Variants in ASPRV1 observed in about 807,000 individuals in gnomAD.
The protein encoded by ASPRV1 is retroviral-like aspartic protease 1.
ASPRV1 carries 7 observed loss-of-function variants against 11.0 expected under a neutral mutation model. That is an observed-to-expected ratio of 0.64 (90% CI 0.36 to 1.20). ASPRV1 has a LOEUF of 1.20. ASPRV1 is among the 50% of genes most tolerant of loss of function. ASPRV1 has a pLI of 0.02. For missense variants in ASPRV1, 299 were observed against 320.0 expected (o/e 0.93, Z 0.50); for synonymous variants, 136 against 138.4 (o/e 0.98, Z 0.12).
the ASPRV1 span, among the ~76,000 whole-genome samples, chr2:70,013,366 T>C: frequency 3.3e-4 from 51 of 152,302 alleles, no homozygotes; most frequent in African/African-American, 1.2e-3. Context: ...CACCATGATC[T>C]AAAAAGGTTA....
downstream of ASPRV1, among the ~76,000 whole-genome samples, chr2:69,958,716 G>A (rs1047150980): frequency 1.1e-4 from 16 of 152,170 alleles, no homozygotes; most frequent in African/African-American, 3.6e-4. Context: ...AGCAGCATGC[G>A]TTAGGCCACA....
chr2:70,065,390 CAA>C, the ASPRV1 span, among the ~76,000 whole-genome samples: 69 of 52,730 alleles, frequency 1.3e-3, no homozygotes, highest in East Asian at 4.1e-3. Flanking sequence ...GACACCATCT[CAA>C]AAAAAAAAAA....
At chr2:69,999,647 C>T in the ASPRV1 span, among the ~76,000 whole-genome samples, 1 of 127,672 alleles carries the variant, frequency 7.8e-6, no homozygotes, top group Non-Finnish European at 1.6e-5. Context: ...CAGAGCAAGA[C>T]TCTGTCTCAA....
chr2:69,999,485 C>T, the ASPRV1 span, among the ~76,000 whole-genome samples: 2 of 151,866 alleles, frequency 1.3e-5, no homozygotes, highest in East Asian at 1.9e-4. Flanking sequence ...GAAACCTAGT[C>T]TCTACTACAA....
chr2:70,084,313 T>G, the ASPRV1 span, among the ~76,000 whole-genome samples: 1 of 152,256 alleles, frequency 6.6e-6, no homozygotes, highest in Non-Finnish European at 1.5e-5. Flanking sequence ...CCTTTTGTTG[T>G]CACCTGAGTT....
downstream of ASPRV1, among the ~76,000 whole-genome samples, chr2:69,956,497 AAAGC>A (rs1677944723): frequency 6.6e-6 from 1 of 151,448 alleles, no homozygotes; most frequent in African/African-American, 2.4e-5. Flanking sequence ...GAAGAAGAAG[AAAGC>A]AGAGGAGGAG....
At chr2:70,041,775 C>A in the ASPRV1 span, among the ~76,000 whole-genome samples, 1 of 152,170 alleles carries the variant, frequency 6.6e-6, no homozygotes, top group East Asian at 1.9e-4. Flanking sequence ...CAGTGACGAC[C>A]ATGGCCGTGA....
the ASPRV1 span, among the ~76,000 whole-genome samples, chr2:70,038,982 G>A: frequency 1.3e-5 from 2 of 152,038 alleles, no homozygotes; most frequent in African/African-American, 4.8e-5. Context: ...GGGAGGCTGA[G>A]GTAGGAGAAT....
At chr2:70,059,240 T>C in the ASPRV1 span, among the ~76,000 whole-genome samples, 1 of 150,810 alleles carries the variant, frequency 6.6e-6, no homozygotes, top group Non-Finnish European at 1.5e-5. Flanking sequence ...TGTCTCTCAG[T>C]CTGCTGATTG....
the ASPRV1 span, among the ~76,000 whole-genome samples, chr2:70,019,458 A>T: frequency 1.3e-5 from 2 of 152,160 alleles, no homozygotes; most frequent in Non-Finnish European, 2.9e-5. Flanking sequence ...AGATATTCAC[A>T]CTCCCATATT....
At chr2:69,999,166 G>C in the ASPRV1 span, among the ~76,000 whole-genome samples, 1 of 152,094 alleles carries the variant, frequency 6.6e-6, no homozygotes, top group Non-Finnish European at 1.5e-5. Context: ...CTAGTCACAG[G>C]TGCAATCGCA....
At chr2:70,037,026 A>G in the ASPRV1 span, among the ~76,000 whole-genome samples, 1 of 152,186 alleles carries the variant, frequency 6.6e-6, no homozygotes. Flanking sequence ...TGCCAAATCT[A>G]GGGAGTCTCC....
chr2:70,038,594 A>G, the ASPRV1 span, among the ~76,000 whole-genome samples: 1 of 151,832 alleles, frequency 6.6e-6, no homozygotes, highest in Non-Finnish European at 1.5e-5. Context: ...CAAGGGGGAA[A>G]AAAAAGCGTA....
the ASPRV1 span, among the ~76,000 whole-genome samples, chr2:70,000,334 AAC>A: frequency 2.2e-5 from 3 of 139,388 alleles, no homozygotes; most frequent in East Asian, 4.2e-4. Flanking sequence ...AAAAAAAAAA[AAC>A]CACACACACA....
At chr2:70,040,627 A>C in the ASPRV1 span, among the ~76,000 whole-genome samples, 1 of 152,158 alleles carries the variant, frequency 6.6e-6, no homozygotes, top group South Asian at 2.1e-4. Context: ...TGAGGTCAAA[A>C]GTTCAAGACC....
At chr2:70,041,972 G>C in the ASPRV1 span, among the ~76,000 whole-genome samples, 67 of 152,220 alleles carry the variant, frequency 4.4e-4, no homozygotes, top group East Asian at 1.5e-3. Context: ...GAAGGTAATA[G>C]TAACATTATC....
chr2:69,992,987 T>G, the ASPRV1 span, among the ~76,000 whole-genome samples: 1 of 152,194 alleles, frequency 6.6e-6, no homozygotes, highest in African/African-American at 2.4e-5. Context: ...TATCTAAGAA[T>G]CCTTGTCTAA....
the ASPRV1 span, chr2:69,939,918 C>T: frequency 5.9e-5 from 9 of 152,444 alleles, no homozygotes; most frequent in African/African-American, 1.9e-4. Context: ...AAAGTTCAAA[C>T]GCACTCCACA....
chr2:70,051,867 T>C, the ASPRV1 span, among the ~76,000 whole-genome samples: 1 of 151,916 alleles, frequency 6.6e-6, no homozygotes, highest in African/African-American at 2.4e-5. Context: ...CCCAATTACT[T>C]GAGAGGCTGA....
Sources: gnomAD v4.1 joint callset for allele counts (sites outside exome capture counted in the v4.1 genomes callset) on GRCh38, gnomAD v4.1.1 for gene constraint, MANE v1.5 for transcripts, NCBI Gene and HGNC (gene_info 2026-07-23, HGNC 2026-07-21) for gene names.